CNTNAP2: variants seen among roughly 807,000 people sequenced by gnomAD.
CNTNAP2 encodes the protein contactin-associated protein-like 2.
A neutral mutation model predicts 155.2 loss-of-function variants in CNTNAP2; 98 were observed. That is an observed-to-expected ratio of 0.63 (90% CI 0.54 to 0.75). CNTNAP2 has a LOEUF of 0.75. Among genes scored for constraint, CNTNAP2 ranks in the 30% least tolerant of loss-of-function variants. The pLI, the probability that CNTNAP2 is intolerant of heterozygous loss-of-function variation, is 0.00. For missense variants in CNTNAP2, 1,727 were observed against 1,688.1 expected (o/e 1.02, Z -0.40); for synonymous variants, 651 against 631.2 (o/e 1.03, Z -0.47).
chr7:147,167,518 A>G, intron 8 of CNTNAP2: 1 of 834,948 alleles, frequency 1.2e-6, no homozygotes, highest in South Asian at 1.6e-5. Flanking sequence ...ACAGAGCATT[A>G]TAAGCATGAC....
In CNTNAP2 at chr7:147,966,824, C is replaced by T. The variant is rs138866330; in HGVS notation, c.2256-11038C>T. 5.9e-3 allele frequency among the ~76,000 whole-genome samples: 905 copies of T among 152,184 alleles called. 12 individuals are homozygous for T. Among genetic ancestry groups the T allele is most frequent in the Middle Eastern group, 0.027 (8 of 294 alleles). On this transcript the variant is annotated intron_variant, in intron 14 of 23. Coordinates refer to ENST00000361727, the MANE Select transcript of CNTNAP2 (RefSeq NM_014141.6). ...CATGAGCAACCTTTAAAGGCACCCA[C>T]CCAGGGGCCATCAAGGCAAGAGTGA...
intron 20 of CNTNAP2, among the ~76,000 whole-genome samples, chr7:148,242,794 A>T (rs184433615): frequency 6.6e-6 from 1 of 152,340 alleles, no homozygotes; most frequent in East Asian, 1.9e-4. Flanking sequence ...TGAATCATGG[A>T]TTCTGTGCAC....
At chr7:147,874,104 G>A (rs187432933) in intron 13 of CNTNAP2, among the ~76,000 whole-genome samples, 25 of 152,284 alleles carry the variant, frequency 1.6e-4, no homozygotes, top group South Asian at 8.3e-4. Flanking sequence ...ATGGGCTGGC[G>A]TTGAACGTCT....
intron 1 of CNTNAP2, among the ~76,000 whole-genome samples, chr7:146,686,768 G>A (rs1190177345): frequency 6.6e-6 from 1 of 152,102 alleles, no homozygotes; most frequent in Non-Finnish European, 1.5e-5. Flanking sequence ...TTCTCTGGCA[G>A]TTTTATAATG....
At chr7:147,095,291 C>T (rs1392599088) in intron 4 of CNTNAP2, among the ~76,000 whole-genome samples, 3 of 151,388 alleles carry the variant, frequency 2.0e-5, no homozygotes, top group East Asian at 1.9e-4. Flanking sequence ...CCACCTCGGC[C>T]TCCCAAAGTG....
At chr7:146,597,334 T>C (rs1798878063) in intron 1 of CNTNAP2, among the ~76,000 whole-genome samples, 1 of 152,012 alleles carries the variant, frequency 6.6e-6, no homozygotes, top group African/African-American at 2.4e-5. Flanking sequence ...TCTGGTCACG[T>C]ATCCACAGAG....
intron 21 of CNTNAP2, among the ~76,000 whole-genome samples, chr7:148,278,569 C>CAAAAAAAAAAAA (rs34230909): frequency 8.6e-6 from 1 of 116,632 alleles, no homozygotes; most frequent in Non-Finnish European, 1.8e-5. Context: ...GACTACATCT[C>CAAAAAAAAAAAA]AAAAAAAAAA....
chr7:146,256,834 C>CA (rs200096540), intron 1 of CNTNAP2, among the ~76,000 whole-genome samples: 491 of 151,808 alleles, frequency 3.2e-3, no homozygotes, highest in Non-Finnish European at 4.4e-3. Context: ...TGTGTAAAAT[C>CA]AAAAAAATAA....
chr7:146,786,265 G>A (rs201950257), intron 2 of CNTNAP2, among the ~76,000 whole-genome samples: 1 of 151,450 alleles, frequency 6.6e-6, no homozygotes, highest in Non-Finnish European at 1.5e-5. Context: ...CTTATTAAGA[G>A]GCAGACCAAA....
At chr7:146,637,682 G>A (rs375817160) in intron 1 of CNTNAP2, among the ~76,000 whole-genome samples, 1 of 152,116 alleles carries the variant, frequency 6.6e-6, no homozygotes, top group Admixed American at 6.5e-5. Context: ...AACACACACT[G>A]GTGTGTAATG....
At chr7:147,150,590 G>T (rs532011227) in intron 8 of CNTNAP2, among the ~76,000 whole-genome samples, 1 of 152,210 alleles carries the variant, frequency 6.6e-6, no homozygotes, top group South Asian at 2.1e-4. Context: ...TTTTATGGAA[G>T]GCTTAGACAG....
chr7:147,665,615 C>G (rs1267114697), intron 13 of CNTNAP2, among the ~76,000 whole-genome samples: 1 of 152,108 alleles, frequency 6.6e-6, no homozygotes. Flanking sequence ...CTGATCCTCT[C>G]CCTCCTCCCA....
intron 8 of CNTNAP2, among the ~76,000 whole-genome samples, chr7:147,296,176 C>T (rs915757332): frequency 1.2e-4 from 19 of 152,106 alleles, no homozygotes; most frequent in South Asian, 2.1e-4. Flanking sequence ...ACAAATATCA[C>T]GTTGATATCT....
chr7:147,915,508 C>G (rs999287387), intron 14 of CNTNAP2, among the ~76,000 whole-genome samples: 1 of 151,914 alleles, frequency 6.6e-6, no homozygotes, highest in African/African-American at 2.4e-5. Flanking sequence ...CTAAACTGAC[C>G]AGAAAGATTG....
chr7:147,128,823 A>G lies in CNTNAP2; in HGVS notation c.1070A>G (p.Glu357Gly), dbSNP rs1185508194. Reference sequence around the variant, plus strand: ...GATCTTGCCAGAAGGAAGAAATTAGAGCCCTCAAATGTGGTAAGGATTTTC... The same window carrying G: ...GATCTTGCCAGAAGGAAGAAATTAGGGCCCTCAAATGTGGTAAGGATTTTC... ...ITDLARRKKL[E>G]PSNVGNLSFS... Residue 357 changes from glutamate (E) to glycine (G), a missense_variant, in exon 7 of 24, where the codon GAG (glutamate) becomes GGG (glycine). Glu to Gly is a moderately conservative substitution (Grantham distance 98). Coordinates refer to ENST00000361727, the MANE Select transcript of CNTNAP2 (RefSeq NM_014141.6). 6.2e-7 allele frequency: 1 copy of G among 1,614,054 alleles called. No individual in the cohort carries two copies. Among genetic ancestry groups the G allele is most frequent in the African/African-American group, 1.3e-5 (1 of 75,052 alleles).
rs143020587 is a variant in CNTNAP2 at position 147,422,571 on chromosome 7, C to T, written c.1670+26791C>T. ...TGTTTAGACCCTGTTTAGATCCTGA[C>T]AGATGCAATGTCTTCAATTAAGTTC... is the stretch of plus-strand genomic sequence containing the variant. On this transcript the variant is annotated intron_variant, in intron 10 of 23. Coordinates refer to ENST00000361727, the MANE Select transcript of CNTNAP2 (RefSeq NM_014141.6). Among the ~76,000 whole-genome samples the T allele has an allele frequency of 5.9e-3, 902 of 152,168 alleles. 5 individuals carry two copies. Among genetic ancestry groups the T allele is most frequent in the Non-Finnish European group, 6.7e-3 (454 of 67,996 alleles).
chr7:148,010,490 C>T (rs887697104), intron 15 of CNTNAP2, among the ~76,000 whole-genome samples: 5 of 151,276 alleles, frequency 3.3e-5, no homozygotes, highest in Non-Finnish European at 7.4e-5. Context: ...AAGTTTTAAC[C>T]GTTTTCTATG....
intron 1 of CNTNAP2, among the ~76,000 whole-genome samples, chr7:146,198,517 G>A (rs1377382276): frequency 6.6e-6 from 1 of 152,116 alleles, no homozygotes; most frequent in Non-Finnish European, 1.5e-5. Flanking sequence ...TAGTGAAATG[G>A]CAGTCTTATT....
chr7:146,759,818 A>G, intron 1 of CNTNAP2, among the ~76,000 whole-genome samples: 1 of 152,134 alleles, frequency 6.6e-6, no homozygotes, highest in Non-Finnish European at 1.5e-5. Flanking sequence ...CCTTATGGAA[A>G]AAGGTTCGCA....
Sources: gnomAD v4.1 joint callset for allele counts (sites outside exome capture counted in the v4.1 genomes callset) on GRCh38, gnomAD v4.1.1 for gene constraint, MANE v1.5 for transcripts, NCBI Gene and HGNC (gene_info 2026-07-23, HGNC 2026-07-21) for gene names.